Variants in EIF2AK4 observed in about 807,000 individuals in gnomAD.
The protein encoded by EIF2AK4 is eukaryotic translation initiation factor 2 alpha kinase 4, also known as eIF-2-alpha kinase GCN2.
A neutral mutation model predicts 211.1 loss-of-function variants in EIF2AK4; 139 were observed. The observed-to-expected ratio is 0.66, with a 90% CI of 0.57 to 0.76. The LOEUF (loss-of-function observed/expected upper bound fraction) is 0.76. EIF2AK4 is among the 30% of genes least tolerant of loss of function. The probability of loss-of-function intolerance (pLI) is 0.00; values close to 1 mark genes in which losing one functional copy is unlikely to be tolerated. For synonymous variants in EIF2AK4, 710 were observed against 751.3 expected, an observed-to-expected ratio of 0.94 and a Z score of 0.90; for missense variants, 1,664 against 2,043.8, an observed-to-expected ratio of 0.81 and a Z score of 3.58.
chr15:40,022,642 A>G (rs749896164), intron 32 of EIF2AK4, 37 bp downstream of exon 32: 1 of 1,596,686 alleles, frequency 6.3e-7, no homozygotes, highest in Non-Finnish European at 8.6e-7. Context: ...TTCAATAGTT[A>G]GGTGTTACCT....
intron 35 of EIF2AK4, among the ~76,000 whole-genome samples, chr15:40,031,112 C>T (rs182805538): frequency 6.6e-5 from 10 of 152,142 alleles, no homozygotes; most frequent in African/African-American, 1.4e-4. Context: ...TGGTGGCAAA[C>T]GCCTGTAATC....
Position 39,996,995 on chromosome 15 carries a change from T to G in EIF2AK4, c.2798T>G (p.Phe933Cys), listed in dbSNP as rs1387004302. The G allele has an allele frequency of 6.2e-7, 1 of 1,614,074 alleles. No homozygotes were observed. The highest frequency in any genetic ancestry group is 1.7e-5 in the Admixed American group (1 of 60,030). ...KVDLFSLGIIFFEMSYHPMVT... is the reference protein window; with the variant it reads ...KVDLFSLGIICFEMSYHPMVT... ...GATCTCTTCAGCCTGGGAATTATCT[T>G]CTTTGAGATGTCCTATCACCCCATG... The change falls in exon 19 of 39, where the codon TTC (phenylalanine) becomes TGC (cysteine). Residue 933 changes from phenylalanine to cysteine, a missense_variant. Transcript: ENST00000263791.
chr15:39,943,728 C>G (rs542440755), intron 3 of EIF2AK4, among the ~76,000 whole-genome samples: 5 of 152,188 alleles, frequency 3.3e-5, no homozygotes, highest in Admixed American at 3.3e-4. Context: ...CTTGGGGAGG[C>G]TGAGGTGGGA....
At chr15:40,011,440 C>A in intron 27 of EIF2AK4, 94 bp downstream of exon 27, 2 of 1,064,202 alleles carry the variant, frequency 1.9e-6, no homozygotes, top group Non-Finnish European at 2.8e-6. Flanking sequence ...GGGTAGCAGC[C>A]AGCGCTTCCT....
At position 39,965,805 on chromosome 15, in the gene EIF2AK4, A is replaced by T; in HGVS notation, c.979A>T (p.Ser327Cys). Reference sequence around the variant, plus strand: ...GAAAAAAATGGGTCCATTCCTTACCAGTCAAGAAAAAGAGAAGATTGATAA... The same window carrying T: ...GAAAAAAATGGGTCCATTCCTTACCTGTCAAGAAAAAGAGAAGATTGATAA... ...WQKKMGPFLT[S>C]QEKEKIDKCK... The change falls in exon 8 of 39, where the codon AGT (serine) becomes TGT (cysteine). Residue 327 changes from serine (S) to cysteine (C), a missense_variant. Around this residue, in one of 7 missense-constraint regions of EIF2AK4, gnomAD observed 641 missense variants for 729.6 expected, o/e 0.88. Transcript: ENST00000263791. The T allele has an allele frequency of 6.2e-7, 1 of 1,614,130 alleles. No homozygotes were observed. Among genetic ancestry groups the T allele is most frequent in the Non-Finnish European group, 8.5e-7 (1 of 1,179,962 alleles).
At chr15:39,998,247 T>C (rs951689724) in intron 19 of EIF2AK4, among the ~76,000 whole-genome samples, 1 of 150,878 alleles carries the variant, frequency 6.6e-6, no homozygotes, top group African/African-American at 2.4e-5. Flanking sequence ...TGTGTTGGTA[T>C]ATGGGTGTGG....
intron 15 of EIF2AK4, 31 bp from the exon 16 acceptor site, chr15:39,990,242 C>G: frequency 1.9e-6 from 3 of 1,601,298 alleles, no homozygotes; most frequent in Non-Finnish European, 2.6e-6. Context: ...CATGGAAAAC[C>G]ATTGTTTGTT....
chr15:40,019,435 C>T (rs183464548), intron 30 of EIF2AK4, among the ~76,000 whole-genome samples: 20 of 152,280 alleles, frequency 1.3e-4, no homozygotes, highest in Non-Finnish European at 1.8e-4. Context: ...TCCCTAACCC[C>T]CAGGCAGTGG....
intron 2 of EIF2AK4, among the ~76,000 whole-genome samples, chr15:39,940,302 C>G (rs1398196756): frequency 6.6e-6 from 1 of 152,216 alleles, no homozygotes; most frequent in African/African-American, 2.4e-5. Context: ...TTGGTGTAAT[C>G]TTTCCCCACC....
rs1259727194 is a variant in EIF2AK4, at chr15:40,008,048, C to G, written c.3429C>G (p.Phe1143Leu). The change falls in exon 25 of 39, where the codon TTC becomes TTG. Residue 1143 changes from phenylalanine (F) to leucine (L), a missense_variant. Physicochemically the swap from Phe to Leu is conservative, Grantham distance 22 (BLOSUM62 0). Coordinates refer to ENST00000263791, the MANE Select transcript of EIF2AK4 (RefSeq NM_001013703.4). Reference protein sequence around the residue: ...NLKRYCIERVFRPRKLDRFHP... With the variant: ...NLKRYCIERVLRPRKLDRFHP... ...CCAGATACTGCATAGAACGTGTGTTCAGGCCGCGCAAGTTAGATCGATTTC... is the reference window on the plus strand; with the variant it reads ...CCAGATACTGCATAGAACGTGTGTTGAGGCCGCGCAAGTTAGATCGATTTC... 6.2e-7 allele frequency: 1 copy of G among 1,604,018 alleles called. No individual in the cohort carries two copies. Among genetic ancestry groups the G allele is most frequent in the African/African-American group, 1.3e-5 (1 of 74,526 alleles).
chr15:39,979,536 G>A (rs8035396), intron 13 of EIF2AK4, among the ~76,000 whole-genome samples: 76,553 of 152,054 alleles, frequency 0.5, 19,666 homozygotes, highest in Admixed American at 0.56. Context: ...AAAGAGGGGA[G>A]CTTGTCAAGT....
At chr15:40,012,316 G>A (rs886890989) in intron 27 of EIF2AK4, among the ~76,000 whole-genome samples, 9 of 152,112 alleles carry the variant, frequency 5.9e-5, no homozygotes, top group African/African-American at 9.7e-5. Flanking sequence ...GAGGGCACAC[G>A]GAAACCAGAG....
At chr15:39,935,466 A>T (rs981552297) in intron 1 of EIF2AK4, among the ~76,000 whole-genome samples, 24 of 151,958 alleles carry the variant, frequency 1.6e-4, no homozygotes, top group African/African-American at 5.8e-4. Flanking sequence ...AGTACCTGGG[A>T]CTACAGGCAC....
At chr15:39,977,853 A>C in intron 12 of EIF2AK4, 1 of 334,692 alleles carries the variant, frequency 3.0e-6, no homozygotes, top group Non-Finnish European at 5.4e-6. Context: ...TTCACTATTA[A>C]ATTTTTTGAG....
At position 39,976,620 on chromosome 15, in the gene EIF2AK4, G is replaced by A. The variant is rs1237677524; in HGVS notation, c.2025G>A (p.Leu675=). The change falls in exon 12 of 39, where the codon CTG becomes CTA. Residue 675 remains leucine (L), a synonymous_variant. Coordinates refer to ENST00000263791, the MANE Select transcript of EIF2AK4 (RefSeq NM_001013703.4). The part of the protein sequence containing the change: ...PGTPPPDSGP[L]AKDDRAARGQ... ...CGCCGCCCCCGGACTCCGGGCCCCTGGCCAAGGATGACCGAGCTGCACGCG... is the reference window on the plus strand; with the variant it reads ...CGCCGCCCCCGGACTCCGGGCCCCTAGCCAAGGATGACCGAGCTGCACGCG... 1.5e-5 allele frequency: 24 copies of A among 1,607,086 alleles called. No homozygotes were observed. Among genetic ancestry groups the A allele is most frequent in the Non-Finnish European group, 1.9e-5 (22 of 1,177,560 alleles).
chr15:39,934,123 G>GC lies in EIF2AK4; in HGVS notation c.-69dup. On this transcript the variant is annotated 5_prime_UTR_variant, in exon 1 of 39. Transcript: ENST00000263791. ...GCCCATAGCCCGTCCCCAGCGCGGA[G>GC]CCCCGCCCCGCAGGCTGCCGGGGGC... 8.2e-7 allele frequency: 1 copy of GC among 1,212,260 alleles called. No individual in the cohort carries two copies. The highest frequency in any genetic ancestry group is 1.0e-6 in the Non-Finnish European group (1 of 976,326). 75.1% of individuals were successfully genotyped at this position (1,212,260 alleles called of 1,614,324 possible).
intron 13 of EIF2AK4, among the ~76,000 whole-genome samples, chr15:39,980,121 C>T (rs2034760399): frequency 6.6e-6 from 1 of 152,128 alleles, no homozygotes; most frequent in African/African-American, 2.4e-5. Flanking sequence ...CCCATCAAAA[C>T]GAAGTTATTT....
intron 3 of EIF2AK4, 67 bp downstream of exon 3, chr15:39,943,552 T>C: frequency 8.2e-7 from 1 of 1,219,096 alleles, no homozygotes; most frequent in Non-Finnish European, 1.2e-6. Context: ...AAATCCAATT[T>C]TGAGTAGCAT....
At chr15:40,019,297 G>A (rs2140944468) in intron 30 of EIF2AK4, 97 bp downstream of exon 30, 1 of 901,600 alleles carries the variant, frequency 1.1e-6, no homozygotes, top group East Asian at 2.8e-5. Context: ...GGCTTCTGAT[G>A]TGAAAGCTAT....
Sources: gnomAD v4.1 joint callset for allele counts (sites outside exome capture counted in the v4.1 genomes callset) on GRCh38, gnomAD v4.1.1 for gene constraint, gnomAD v4.1.1 regional missense constraint, MANE v1.5 for transcripts, NCBI Gene and HGNC (gene_info 2026-07-23, HGNC 2026-07-21) for gene names.